Variants in SNTG2 observed in about 807,000 individuals in gnomAD.
SNTG2 encodes the protein syntrophin gamma 2.
SNTG2 carries 74 observed loss-of-function variants against 70.9 expected under a neutral mutation model. The observed-to-expected ratio is 1.04, with a 90% confidence interval of 0.86 to 1.27. The LOEUF is 1.27. Among genes scored for constraint, SNTG2 ranks in the 50% most tolerant of loss-of-function variants. The pLI is 0.00. For missense variants in SNTG2, 717 were observed against 690.7 expected (o/e 1.04, Z -0.43); for synonymous variants, 278 against 273.8 (o/e 1.02, Z -0.15).
chr2:1,221,551 GTGTGTCCTCTCTC>G, intron 9 of SNTG2, among the ~76,000 whole-genome samples: 4 of 6 alleles, frequency 0.67, 1 homozygote, highest in African/African-American at 0.75. Flanking sequence ...CTCTGTCTCT[GTGTGTCCTCTCTC>G]TCTCTCTCTG....
chr2:1,149,217 G>GAGAC (rs1553339083), intron 6 of SNTG2, among the ~76,000 whole-genome samples: 3 of 149,040 alleles, frequency 2.0e-5, no homozygotes, highest in Non-Finnish European at 3.0e-5. Flanking sequence ...GTGAGAGAGA[G>GAGAC]ACACACACAC....
intron 12 of SNTG2, among the ~76,000 whole-genome samples, chr2:1,258,163 G>A (rs1052055049): frequency 5.9e-5 from 9 of 152,110 alleles, no homozygotes; most frequent in Admixed American, 1.3e-4. Context: ...AGGAATCAGC[G>A]GGCACTGCTG....
At chr2:1,021,015 T>C (rs1660138725) in intron 1 of SNTG2, among the ~76,000 whole-genome samples, 1 of 152,172 alleles carries the variant, frequency 6.6e-6, no homozygotes, top group Non-Finnish European at 1.5e-5. Flanking sequence ...TAGCTTTTCC[T>C]CATCAACTAT....
chr2:1,099,535 G>A (rs1030492131), intron 4 of SNTG2, among the ~76,000 whole-genome samples: 2 of 98,548 alleles, frequency 2.0e-5, no homozygotes, highest in African/African-American at 8.0e-5. Context: ...CCCTGAAGAG[G>A]CTGGAGGTCC....
chr2:955,060 G>C (rs1489751996), intron 1 of SNTG2, among the ~76,000 whole-genome samples: 1 of 152,172 alleles, frequency 6.6e-6, no homozygotes, highest in African/African-American at 2.4e-5. Context: ...AAAATGTAAA[G>C]TTATATTTTT....
At chr2:1,065,000 A>G (rs964908310) in intron 1 of SNTG2, among the ~76,000 whole-genome samples, 3 of 152,242 alleles carry the variant, frequency 2.0e-5, no homozygotes, top group Non-Finnish European at 2.9e-5. Context: ...GCAATTTCAT[A>G]TCAGACGCGG....
chr2:1,227,480 C>A (rs1408568717), intron 9 of SNTG2, among the ~76,000 whole-genome samples: 1 of 152,228 alleles, frequency 6.6e-6, no homozygotes, highest in Non-Finnish European at 1.5e-5. Context: ...TGACTCTAAT[C>A]AACAGCATTG....
At chr2:1,159,440 T>C (rs971299449) in intron 6 of SNTG2, 15 of 152,064 alleles carry the variant, frequency 9.9e-5, no homozygotes, top group African/African-American at 3.6e-4. Context: ...AAATGACAAA[T>C]GCTTTTAAAA....
At chr2:1,138,776 T>G (rs1668563430) in intron 6 of SNTG2, among the ~76,000 whole-genome samples, 2 of 152,200 alleles carry the variant, frequency 1.3e-5, no homozygotes, top group South Asian at 4.1e-4. Context: ...TTAATAGGCA[T>G]GCACTCATTT....
At chr2:1,156,864 G>A (rs942746271) in intron 6 of SNTG2, among the ~76,000 whole-genome samples, 1 of 152,218 alleles carries the variant, frequency 6.6e-6, no homozygotes, top group Middle Eastern at 3.4e-3. Context: ...AGCGCAGGGC[G>A]GCAACTCTTG....
chr2:1,004,961 A>G (rs1659520689), intron 1 of SNTG2, among the ~76,000 whole-genome samples: 1 of 152,216 alleles, frequency 6.6e-6, no homozygotes, highest in African/African-American at 2.4e-5. Context: ...GTGAATGGAG[A>G]AATAAACTAT....
chr2:1,080,458 C>T (rs1029198323), intron 1 of SNTG2, among the ~76,000 whole-genome samples: 1 of 152,156 alleles, frequency 6.6e-6, no homozygotes, highest in Non-Finnish European at 1.5e-5. Context: ...GATACACTTG[C>T]TCTTCTGTGG....
At chr2:1,136,737 C>T (rs1364688518) in intron 4 of SNTG2, among the ~76,000 whole-genome samples, 2 of 152,168 alleles carry the variant, frequency 1.3e-5, no homozygotes, top group Non-Finnish European at 2.9e-5. Flanking sequence ...AGCTTTTGTG[C>T]AGAGTTGTTC....
intron 14 of SNTG2, among the ~76,000 whole-genome samples, chr2:1,279,311 T>C (rs1334967684): frequency 6.6e-6 from 1 of 152,274 alleles, no homozygotes; most frequent in Non-Finnish European, 1.5e-5. Context: ...GATGCTGGTA[T>C]ACAGTAATAA....
chr2:1,273,971 A>T (rs1271889619), intron 14 of SNTG2, among the ~76,000 whole-genome samples: 1 of 152,232 alleles, frequency 6.6e-6, no homozygotes, highest in East Asian at 1.9e-4. Flanking sequence ...GAAAAACAAT[A>T]AGAAATTTGG....
chr2:1,310,807 C>T (rs1439552194), intron 15 of SNTG2, among the ~76,000 whole-genome samples: 1 of 152,168 alleles, frequency 6.6e-6, no homozygotes, highest in Non-Finnish European at 1.5e-5. Context: ...TCTCCAGAGT[C>T]AGCCCTAAAA....
chr2:956,560 C>T (rs1037670274), intron 1 of SNTG2, among the ~76,000 whole-genome samples: 3 of 152,348 alleles, frequency 2.0e-5, no homozygotes, highest in South Asian at 2.1e-4. Flanking sequence ...CCCCTTCCTG[C>T]GGAGGACCCG....
At position 1,009,706 on chromosome 2, in the gene SNTG2, C is replaced by T. The variant is rs180981582; in HGVS notation, c.72+58638C>T. On this transcript the variant is annotated intron_variant, in intron 1 of 16. Coordinates refer to ENST00000308624, the MANE Select transcript of SNTG2 (RefSeq NM_018968.4). ...ATACTGGTGTGGGTCGTGTGTATGG[C>T]AGCCACACCTGTGCCACATCAGGAA... Among the ~76,000 whole-genome samples the T allele has an allele frequency of 3.9e-4, 49 of 124,072 alleles. 2 individuals carry two copies. The highest frequency in any genetic ancestry group is 8.5e-3 in the Middle Eastern group (2 of 234). 81.4% of individuals were successfully genotyped at this position (124,072 alleles called of 152,430 possible).
At chr2:1,165,714 T>C in intron 7 of SNTG2, 79 bp downstream of exon 7, 8 of 1,182,194 alleles carry the variant, frequency 6.8e-6, no homozygotes, top group South Asian at 2.7e-5. Context: ...TGCTACCACA[T>C]GGACTGGGAT....
Sources: gnomAD v4.1 joint callset for allele counts (sites outside exome capture counted in the v4.1 genomes callset) on GRCh38, gnomAD v4.1.1 for gene constraint, MANE v1.5 for transcripts, NCBI Gene and HGNC (gene_info 2026-07-23, HGNC 2026-07-21) for gene names.